Variants in FAM184A observed in about 807,000 individuals in gnomAD.
FAM184A encodes the protein family with sequence similarity 184 member A, also known as protein FAM184A.
Under a neutral mutation model 143.8 loss-of-function variants are expected in FAM184A, and 99 were observed. The observed-to-expected ratio is 0.69, with a 90% CI of 0.58 to 0.81. The LOEUF (loss-of-function observed/expected upper bound fraction) is 0.81, where lower values mean the gene tolerates loss of function less well. Among genes scored for constraint, FAM184A ranks in the 40% least tolerant of loss-of-function variants. FAM184A has a pLI of 0.00. For missense variants in FAM184A, 1,217 were observed against 1,310.5 expected (o/e 0.93, Z 1.10); for synonymous variants, 427 against 446.4 (o/e 0.96, Z 0.55).
intron 1 of FAM184A, among the ~76,000 whole-genome samples, chr6:119,066,190 C>A (rs1370038035): frequency 6.6e-6 from 1 of 152,132 alleles, no homozygotes; most frequent in Non-Finnish European, 1.5e-5. Flanking sequence ...AATTTAACAC[C>A]AAGTGTCTTA....
chr6:119,073,999 G>A (rs1787782854), intron 1 of FAM184A, among the ~76,000 whole-genome samples: 1 of 152,226 alleles, frequency 6.6e-6, no homozygotes, highest in South Asian at 2.1e-4. Context: ...CCAAGAGGCT[G>A]AGGAAGGAGT....
chr6:119,128,855 T>C (rs777318328), intron 1 of FAM184A, among the ~76,000 whole-genome samples: 3 of 150,812 alleles, frequency 2.0e-5, no homozygotes, highest in Admixed American at 6.6e-5. Context: ...CCCTGGAATT[T>C]GCATTCTGTA....
At chr6:118,961,482 A>C (rs1583753911) in intron 17 of FAM184A, among the ~76,000 whole-genome samples, 1 of 152,000 alleles carries the variant, frequency 6.6e-6, no homozygotes, top group East Asian at 1.9e-4. Context: ...AATACTAAAA[A>C]TAAAGTAATT....
Position 118,974,315 on chromosome 6 carries a change from T to C in FAM184A, c.2915+113A>G, listed in dbSNP as rs796094162. 48 of 980,000 alleles carry C rather than the reference T, an allele frequency of 4.9e-5. 1 individual carries two copies. The African/African-American group carries it at 7.1e-4, about 15-fold the overall frequency. The allele number at this position is 980,000 out of a possible 1,614,324, so 60.7% of individuals were successfully genotyped here. ...CATCTGTAACACAGCACTAAAATTT[T>C]CTTTTTAAAGTATCCTTTTTATTAG... On this transcript the variant is annotated intron_variant, in intron 14 of 17. Transcript: ENST00000338891.
intron 1 of FAM184A, among the ~76,000 whole-genome samples, chr6:119,104,164 C>G (rs1167836853): frequency 6.6e-6 from 1 of 152,052 alleles, no homozygotes; most frequent in East Asian, 1.9e-4. Flanking sequence ...TCTGGGACCA[C>G]AGGTGCCTGC....
At chr6:119,039,965 G>C (rs141884283) in intron 1 of FAM184A, among the ~76,000 whole-genome samples, 2 of 152,144 alleles carry the variant, frequency 1.3e-5, no homozygotes, top group African/African-American at 4.8e-5. Flanking sequence ...AACACACTAC[G>C]CGTGCTCTGC....
At chr6:118,989,760 A>C (rs1784311121) in intron 9 of FAM184A, among the ~76,000 whole-genome samples, 2 of 151,748 alleles carry the variant, frequency 1.3e-5, no homozygotes, top group South Asian at 4.1e-4. Flanking sequence ...ACTTCACAAA[A>C]CTTAAGAAAA....
At chr6:119,099,755 A>AG (rs777587367) in intron 1 of FAM184A, among the ~76,000 whole-genome samples, 4 of 151,980 alleles carry the variant, frequency 2.6e-5, no homozygotes, top group Non-Finnish European at 5.9e-5. Flanking sequence ...AGCTTCCTGG[A>AG]GGGGGGCGCA....
At chr6:119,097,535 T>A (rs1788538532) in intron 1 of FAM184A, among the ~76,000 whole-genome samples, 2 of 152,008 alleles carry the variant, frequency 1.3e-5, no homozygotes, top group South Asian at 4.1e-4. Flanking sequence ...ACATATACAT[T>A]TATATATATA....
chr6:119,059,843 C>G (rs1382799645), intron 1 of FAM184A, among the ~76,000 whole-genome samples: 1 of 152,082 alleles, frequency 6.6e-6, no homozygotes. Flanking sequence ...TATATATCTA[C>G]GCTCACAAGT....
chr6:119,025,377 G>C (rs1785594277), intron 1 of FAM184A: 2 of 502,234 alleles, frequency 4.0e-6, no homozygotes, highest in South Asian at 1.5e-5. Context: ...TTCTAAAGCT[G>C]ATCCTCTTCT....
chr6:119,055,770 G>T (rs991526129), intron 1 of FAM184A, among the ~76,000 whole-genome samples: 2 of 152,052 alleles, frequency 1.3e-5, no homozygotes, highest in Non-Finnish European at 2.9e-5. Context: ...TGTCTGTAAT[G>T]GGTATGACTT....
In FAM184A at chr6:119,078,607, A is replaced by G. The variant is rs1369615262; in HGVS notation, c.-308T>C. Reference sequence around the variant, plus strand: ...CGGCCCGCGCCTGGCGGAGGCGTCGAGGACAGCGCAGCTCCGCGGGTCCCG... The same window carrying G: ...CGGCCCGCGCCTGGCGGAGGCGTCGGGGACAGCGCAGCTCCGCGGGTCCCG... On this transcript the variant is annotated 5_prime_UTR_variant, in exon 1 of 18. Coordinates refer to ENST00000338891, the MANE Select transcript of FAM184A (RefSeq NM_024581.6). This position sits in a 1 kb window ranked among gnomAD's most constrained non-coding sequence, Gnocchi z 5.5. 9.3e-6 allele frequency: 2 copies of G among 214,876 alleles called. No homozygotes were observed. Among genetic ancestry groups the G allele is most frequent in the African/African-American group, 4.6e-5 (2 of 43,426 alleles). The allele number at this position is 214,876 out of a possible 1,614,324, so 13.3% of individuals were successfully genotyped here. A position where few individuals can be genotyped will look rare whatever the true frequency, so the allele number is the denominator to read the frequency against.
At chr6:119,138,914 C>A (rs1401662385) in intron 1 of FAM184A, among the ~76,000 whole-genome samples, 1 of 152,176 alleles carries the variant, frequency 6.6e-6, no homozygotes, top group Non-Finnish European at 1.5e-5. Context: ...GCATGAGCCA[C>A]CGCACCCAGC....
chr6:119,094,367 T>C lies in FAM184A; in HGVS notation c.-202+54711A>G, dbSNP rs192615474. Among the ~76,000 whole-genome samples the C allele has an allele frequency of 3.3e-3, 497 of 152,198 alleles. 6 individuals are homozygous for C. Among genetic ancestry groups the C allele is most frequent in the Admixed American group, 0.019 (295 of 15,292 alleles). On this transcript the variant is annotated intron_variant, in intron 1 of 16. Coordinates refer to the FAM184A transcript ENST00000352896. ...TCTTTGAGGCAGTCTTCAAAACTCT[T>C]ATGGCATTTCACAAAAGCCAGTCAA...
chr6:119,081,310 A>G (rs1295513406), upstream of FAM184A, among the ~76,000 whole-genome samples: 1 of 152,208 alleles, frequency 6.6e-6, no homozygotes, highest in East Asian at 1.9e-4. Context: ...CAATTGAAAC[A>G]GGAAAAGTTC....
chr6:119,090,665 G>T (rs893777431), intron 1 of FAM184A, among the ~76,000 whole-genome samples: 20 of 152,284 alleles, frequency 1.3e-4, no homozygotes, highest in African/African-American at 4.8e-4. Flanking sequence ...AGTGTAGCAA[G>T]CAAATGTCCC....
intron 5 of FAM184A, among the ~76,000 whole-genome samples, chr6:119,014,845 G>A (rs1194066302): frequency 6.6e-6 from 1 of 152,112 alleles, no homozygotes; most frequent in Non-Finnish European, 1.5e-5. Flanking sequence ...GATCACTTGA[G>A]GTCAGGAGTT....
chr6:119,103,311 C>G (rs1788692003), intron 1 of FAM184A, among the ~76,000 whole-genome samples: 1 of 151,978 alleles, frequency 6.6e-6, no homozygotes, highest in Non-Finnish European at 1.5e-5. Context: ...GCTACATCAA[C>G]CCCCCCAAAT....
Sources: gnomAD v4.1 joint callset for allele counts (sites outside exome capture counted in the v4.1 genomes callset) on GRCh38, gnomAD v4.1.1 for gene constraint, Gnocchi (gnomAD v3.1) non-coding constraint, MANE v1.5 for transcripts, NCBI Gene and HGNC (gene_info 2026-07-23, HGNC 2026-07-21) for gene names.